The following PLB1 variants were observed in gnomAD, a reference collection of about 807,000 sequenced individuals.
The protein encoded by PLB1 is phospholipase B1.
A neutral mutation model predicts 227.4 loss-of-function variants in PLB1; 242 were observed. The ratio of observed to expected loss-of-function variants is 1.06; its 90% CI spans 0.96 to 1.18. PLB1 has a LOEUF of 1.18. PLB1 is among the 50% of genes most tolerant of loss of function. The pLI is 0.00. For missense variants in PLB1, 1,858 were observed against 1,816.3 expected, an observed-to-expected ratio of 1.02 and a Z score of -0.42; for synonymous variants, 757 against 682.2, an observed-to-expected ratio of 1.11 and a Z score of -1.71.
intron 9 of PLB1, among the ~76,000 whole-genome samples, chr2:28,532,606 G>C (rs1023213941): frequency 2.0e-5 from 3 of 152,180 alleles, no homozygotes; most frequent in African/African-American, 7.2e-5. Flanking sequence ...AAAGGAAATA[G>C]AGGCATAGAT....
chr2:28,605,843 T>G lies in PLB1; in HGVS notation c.2962-10T>G. ...ATAGGATCTTGAGGGGGTATATTGG[T>G]CTCTTTCAGGATGGGCTCCCAGATA... On this transcript the variant is annotated splice_polypyrimidine_tract_variant and intron_variant, in intron 41 of 57. Coordinates refer to ENST00000327757, the MANE Select transcript of PLB1 (RefSeq NM_153021.5). 1 of 1,606,120 alleles carries G rather than the reference T, an allele frequency of 6.2e-7. No homozygotes were observed. Among genetic ancestry groups the G allele is most frequent in the Non-Finnish European group, 8.5e-7 (1 of 1,172,840 alleles).
At chr2:28,575,589 G>C (rs530027698) in intron 21 of PLB1, among the ~76,000 whole-genome samples, 2 of 152,168 alleles carry the variant, frequency 1.3e-5, no homozygotes, top group Non-Finnish European at 2.9e-5. Context: ...TTGTTTGTTT[G>C]AGACAGAGTC....
chr2:28,578,566 G>A (rs753463793), intron 22 of PLB1, among the ~76,000 whole-genome samples: 19 of 152,102 alleles, frequency 1.2e-4, no homozygotes, highest in Non-Finnish European at 2.2e-4. Context: ...GGAGATTTTG[G>A]CTGTTATTCT....
At chr2:28,610,787 C>T (rs919691614) in intron 43 of PLB1, among the ~76,000 whole-genome samples, 5 of 152,170 alleles carry the variant, frequency 3.3e-5, no homozygotes, top group Admixed American at 2.0e-4. Context: ...TGCTGACTCA[C>T]ATCAGGAGGC....
rs1189648891 is a variant in PLB1, at chr2:28,632,156, T to C, written c.4002+16T>C. ...ACTGAACGAGGTGAGCTGCAGGTATTTTAGGGAGGCTCACGTATGGGGGCC... is the reference window on the plus strand; with the variant it reads ...ACTGAACGAGGTGAGCTGCAGGTATCTTAGGGAGGCTCACGTATGGGGGCC... On this transcript the variant is annotated intron_variant, in intron 55 of 57. Transcript: ENST00000327757. The C allele has an allele frequency of 5.0e-6, 8 of 1,598,642 alleles. No individual in the cohort carries two copies. Among genetic ancestry groups the C allele is most frequent in the Non-Finnish European group, 6.9e-6 (8 of 1,165,996 alleles).
chr2:28,585,522 C>G, intron 25 of PLB1: 1 of 428,396 alleles, frequency 2.3e-6, no homozygotes, highest in South Asian at 2.4e-5. Flanking sequence ...AGTGATCCAC[C>G]CACCTCGGCC....
intron 12 of PLB1, 117 bp from the exon 13 acceptor site, chr2:28,541,590 C>A: frequency 1.4e-6 from 1 of 706,104 alleles, no homozygotes; most frequent in Non-Finnish European, 2.4e-6. Context: ...TAGCACTTGA[C>A]CACAACGCAA....
At chr2:28,544,857 C>T (rs73922156) in intron 14 of PLB1, among the ~76,000 whole-genome samples, 5,900 of 152,136 alleles carry the variant, frequency 0.039, 391 homozygotes, top group African/African-American at 0.13. Context: ...AGAAGAGATA[C>T]GGAGATAAGG....
At chr2:28,630,544 A>T in intron 53 of PLB1, 42 bp from the exon 54 acceptor site, 2 of 1,564,468 alleles carry the variant, frequency 1.3e-6, no homozygotes, top group Non-Finnish European at 1.8e-6. Context: ...ACAGAGCCAC[A>T]GTGCCCCAGG....
intron 1 of PLB1, among the ~76,000 whole-genome samples, chr2:28,507,701 A>G (rs1232773161): frequency 6.6e-6 from 1 of 152,168 alleles, no homozygotes; most frequent in Non-Finnish European, 1.5e-5. Context: ...AACTTTGAAT[A>G]TGTAATTTCC....
intron 44 of PLB1, 106 bp downstream of exon 44, chr2:28,614,202 C>A: frequency 1.8e-6 from 2 of 1,081,586 alleles, no homozygotes; most frequent in Non-Finnish European, 2.9e-6. Flanking sequence ...CAGAAATGTA[C>A]TTCTTACATA....
At chr2:28,599,511 A>G (rs60605320) in intron 35 of PLB1, among the ~76,000 whole-genome samples, 7,314 of 152,302 alleles carry the variant, frequency 0.048, 572 homozygotes, top group African/African-American at 0.16. Flanking sequence ...ACCGTGTCCT[A>G]GGAGATCACC....
chr2:28,629,014 G>A (rs922122965), intron 52 of PLB1, 80 bp from the exon 53 acceptor site: 65 of 1,169,326 alleles, frequency 5.6e-5, no homozygotes, highest in East Asian at 2.1e-4. Flanking sequence ...GAGGGGAGTG[G>A]GAATTGGATT....
intron 9 of PLB1, among the ~76,000 whole-genome samples, chr2:28,536,583 C>T (rs1231404472): frequency 6.6e-6 from 1 of 152,042 alleles, no homozygotes; most frequent in Non-Finnish European, 1.5e-5. Flanking sequence ...GGTTTAAATC[C>T]CAATAAAATA....
rs773966153 is a variant in PLB1 at position 28,540,376 on chromosome 2, G to A, written c.709G>A (p.Glu237Lys). The change falls in exon 12 of 58, where the codon GAG (glutamate) becomes AAG (lysine). Residue 237 changes from glutamate to lysine, a missense_variant. Coordinates refer to ENST00000327757, the MANE Select transcript of PLB1 (RefSeq NM_153021.5). ...YHGTWLSPAP[E>K]PCNCSEETTR... Reference sequence around the variant, plus strand: ...TGTTTTAACCTGCAGCCCTGCACCAGAGCCCTGTAATTGCTCAGAGGAGAC... The same window carrying A: ...TGTTTTAACCTGCAGCCCTGCACCAAAGCCCTGTAATTGCTCAGAGGAGAC... 6.2e-7 allele frequency: 1 copy of A among 1,614,020 alleles called. No homozygotes were observed. Among genetic ancestry groups the A allele is most frequent in the Non-Finnish European group, 8.5e-7 (1 of 1,179,972 alleles).
chr2:28,568,277 T>C (rs1677396824), intron 20 of PLB1, among the ~76,000 whole-genome samples: 1 of 152,226 alleles, frequency 6.6e-6, no homozygotes, highest in Non-Finnish European at 1.5e-5. Context: ...ATGCAATAGC[T>C]TTCTGGGCTC....
intron 1 of PLB1, among the ~76,000 whole-genome samples, chr2:28,510,262 A>G (rs536088619): frequency 1.3e-4 from 20 of 152,290 alleles, no homozygotes; most frequent in African/African-American, 3.6e-4. Flanking sequence ...ATAGGTGAGG[A>G]AAGTAAGGCT....
intron 20 of PLB1, among the ~76,000 whole-genome samples, chr2:28,572,231 T>C: frequency 6.6e-6 from 1 of 152,118 alleles, no homozygotes; most frequent in East Asian, 1.9e-4. Flanking sequence ...ACTAGCATGG[T>C]TATAATAGGA....
chr2:28,498,958 T>C (rs1666781292), intron 1 of PLB1, among the ~76,000 whole-genome samples: 2 of 152,224 alleles, frequency 1.3e-5, no homozygotes, highest in Non-Finnish European at 2.9e-5. Flanking sequence ...CTTTACAATA[T>C]TGAGTCTTTC....
Sources: gnomAD v4.1 joint callset for allele counts (sites outside exome capture counted in the v4.1 genomes callset) on GRCh38, gnomAD v4.1.1 for gene constraint, MANE v1.5 for transcripts, NCBI Gene and HGNC (gene_info 2026-07-23, HGNC 2026-07-21) for gene names.